The following SUGT1 variants were observed in gnomAD, a reference collection of about 807,000 sequenced individuals.
The protein encoded by SUGT1 is SGT1 assembly cochaperone of MIS12 kinetochore complex, also known as protein SGT1 homolog.
In SUGT1, 15 loss-of-function variants were observed where a neutral mutation model predicts 56.1. The observed-to-expected ratio is 0.27, with a 90% CI of 0.18 to 0.41. The LOEUF is 0.41. Ranked by LOEUF, SUGT1 falls within the 10% of genes least tolerant of loss-of-function variation. The pLI is 1.00. For missense variants in SUGT1, 347 were observed against 382.2 expected (o/e 0.91, Z 0.77); for synonymous variants, 123 against 128.6 (o/e 0.96, Z 0.30).
In SUGT1 at chr13:52,697,973, A is replaced by G. The variant is rs1173371716; in HGVS notation, c.*10138A>G. 6.6e-6 allele frequency: 1 copy of G among 152,208 alleles called. No homozygotes were observed. The highest frequency in any genetic ancestry group is 1.5e-5 in the Non-Finnish European group (1 of 68,046). The allele number at this position is 152,208 out of a possible 1,614,324, so 9.4% of individuals were successfully genotyped here. ...TCCTTAACACATTAAACTATAGGTA[A>G]TAGCATATGTTAGTCTAATCTTTGT... On this transcript the variant is annotated 3_prime_UTR_variant, in exon 13 of 13. Transcript: ENST00000310528.
chr13:52,659,019 T>C (rs555559661), intron 4 of SUGT1, among the ~76,000 whole-genome samples, 160 bp from the exon 5 acceptor site: 1 of 152,222 alleles, frequency 6.6e-6, no homozygotes, highest in African/African-American at 2.4e-5. Flanking sequence ...GGAATTGTAC[T>C]AGATCTTAAC....
chr13:52,659,286 A>G (rs997344821), intron 5 of SUGT1, 37 bp downstream of exon 5: 32 of 1,289,648 alleles, frequency 2.5e-5, no homozygotes, highest in Non-Finnish European at 3.2e-5. Context: ...AAACTTATCT[A>G]TTTCTGTCTT....
chr13:52,666,550 A>AT (rs1962711117), intron 9 of SUGT1, among the ~76,000 whole-genome samples: 2 of 152,318 alleles, frequency 1.3e-5, no homozygotes, highest in African/African-American at 4.8e-5. Context: ...AATAGGTGTG[A>AT]TTAAATATAT....
At chr13:52,664,576 G>A (rs371571827) in intron 8 of SUGT1, among the ~76,000 whole-genome samples, 19 of 152,306 alleles carry the variant, frequency 1.2e-4, no homozygotes, top group African/African-American at 4.3e-4. Context: ...AACACAAGCC[G>A]TTGATCTGGA....
Position 52,664,063 on chromosome 13 carries a change from T to A in SUGT1, c.422+6T>A. 6.2e-7 allele frequency: 1 copy of A among 1,612,856 alleles called. No individual in the cohort carries two copies. On this transcript the variant is annotated splice_donor_region_variant and intron_variant, in intron 8 of 12. Coordinates refer to ENST00000310528, the MANE Select transcript of SUGT1 (RefSeq NM_006704.5). ...ACTCATCAGTCAAAAATCAAGTGAGTGTTTCTTTTTCATAAAACAATGCAT... is the reference window on the plus strand; with the variant it reads ...ACTCATCAGTCAAAAATCAAGTGAGAGTTTCTTTTTCATAAAACAATGCAT...
At position 52,688,652 on chromosome 13, in the gene SUGT1, G is replaced by A. The variant is rs1963680511; in HGVS notation, c.*817G>A. On this transcript the variant is annotated 3_prime_UTR_variant, in exon 13 of 13. Transcript: ENST00000310528. The stretch of plus-strand genomic sequence containing the variant: ...TTGTCACGTCCCCATGATTACTTTG[G>A]TTTCATTGGTTTATGGTAACTGCTG... 6.6e-6 allele frequency: 1 copy of A among 151,890 alleles called. No homozygotes were observed. The allele number at this position is 151,890 out of a possible 1,614,324, so 9.4% of individuals were successfully genotyped here.
Position 52,688,264 on chromosome 13 carries a change from A to T in SUGT1, c.*429A>T, listed in dbSNP as rs1963670143. 1 of 152,658 alleles carries T rather than the reference A, an allele frequency of 6.6e-6. No homozygotes were observed. Among genetic ancestry groups the T allele is most frequent in the African/African-American group, 2.4e-5 (1 of 41,444 alleles). The allele number at this position is 152,658 out of a possible 1,614,324, so 9.5% of individuals were successfully genotyped here. ...GTTTGCTTTTAAAAACTGCTTTTGAATGGAGTTGTAAATACAATTTTTCTA... is the reference window on the plus strand; with the variant it reads ...GTTTGCTTTTAAAAACTGCTTTTGATTGGAGTTGTAAATACAATTTTTCTA... On this transcript the variant is annotated 3_prime_UTR_variant, in exon 13 of 13. Coordinates refer to ENST00000310528, the MANE Select transcript of SUGT1 (RefSeq NM_006704.5).
At position 52,680,249 on chromosome 13, in the gene SUGT1, A is replaced by G. The variant is rs897596316; in HGVS notation, c.900+94A>G. 8.2e-6 allele frequency: 10 copies of G among 1,216,672 alleles called. No homozygotes were observed. The African/African-American group carries it at 9.6e-5, about 12-fold the overall frequency. 75.4% of individuals were successfully genotyped at this position (1,216,672 alleles called of 1,614,324 possible). On this transcript the variant is annotated intron_variant, in intron 12 of 12. Coordinates refer to ENST00000310528, the MANE Select transcript of SUGT1 (RefSeq NM_006704.5). ...AATGTGAGACCAAATTGCGTGTACT[A>G]TAGCTGGGAGAACTTTTTGAATAAG... is the stretch of plus-strand genomic sequence containing the variant.
At chr13:52,680,924 CTCTG>C (rs1963346555) in intron 12 of SUGT1, among the ~76,000 whole-genome samples, 2 of 152,084 alleles carry the variant, frequency 1.3e-5, no homozygotes, top group Admixed American at 6.5e-5. Context: ...TCACTGCAGC[CTCTG>C]TCTGCCGGGC....
chr13:52,682,679 A>G (rs1285756934), intron 12 of SUGT1, among the ~76,000 whole-genome samples: 1 of 152,106 alleles, frequency 6.6e-6, no homozygotes, highest in African/African-American at 2.4e-5. Flanking sequence ...GTGTGAGTCT[A>G]TTTCTAAGTT....
rs1056298356 is a variant in SUGT1 at position 52,699,318 on chromosome 13, C to CA, written c.*11487dup. 6.6e-6 allele frequency: 1 copy of CA among 152,046 alleles called. No homozygotes were observed. Among genetic ancestry groups the CA allele is most frequent in the Non-Finnish European group, 1.5e-5 (1 of 68,012 alleles). 9.4% of individuals were successfully genotyped at this position (152,046 alleles called of 1,614,324 possible). On this transcript the variant is annotated 3_prime_UTR_variant, in exon 13 of 13. Coordinates refer to ENST00000310528, the MANE Select transcript of SUGT1 (RefSeq NM_006704.5). Reference sequence around the variant, plus strand: ...AACAAAATGAGAATAACTATTTGGGCAAAACACTTTTATCACTGCTAAGAT... The same window carrying CA: ...AACAAAATGAGAATAACTATTTGGGCAAAAACACTTTTATCACTGCTAAGAT...
intron 10 of SUGT1, among the ~76,000 whole-genome samples, chr13:52,673,410 C>A (rs1006177185): frequency 4.6e-5 from 7 of 151,986 alleles, no homozygotes; most frequent in Admixed American, 4.6e-4. Flanking sequence ...ACACACCTGG[C>A]CCCTTTTACC....
rs371857326 is a variant in SUGT1 at position 52,680,935 on chromosome 13, G to A, written c.900+780G>A. Among the ~76,000 whole-genome samples the A allele has an allele frequency of 1.2e-3, 184 of 152,072 alleles. 3 individuals carry two copies. Among genetic ancestry groups the A allele is most frequent in the Admixed American group, 3.1e-3 (48 of 15,276 alleles). On this transcript the variant is annotated intron_variant, in intron 12 of 12. Transcript: ENST00000310528. ...CGGCTCACTGCAGCCTCTGTCTGCC[G>A]GGCTCAAGTGATTTTCCTACCTCAG...
rs762534218 is a variant in SUGT1 at position 52,652,945 on chromosome 13, G to A, written c.25G>A (p.Ala9Thr). The A allele has an allele frequency of 6.2e-7, 1 of 1,614,220 alleles. No homozygotes were observed. The highest frequency in any genetic ancestry group is 8.5e-7 in the Non-Finnish European group (1 of 1,180,022). ...GATGGCGGCGGCTGCAGCAGGAACTGCAACATCCCAGAGGTGCATGTTTTT... is the reference window on the plus strand; with the variant it reads ...GATGGCGGCGGCTGCAGCAGGAACTACAACATCCCAGAGGTGCATGTTTTT... MAAAAAGT[A>T]TSQRFFQSFS... is the part of the protein sequence containing the mutation. Residue 9 changes from alanine to threonine, a missense_variant, in exon 1 of 13, where the codon GCA becomes ACA. Coordinates refer to ENST00000310528, the MANE Select transcript of SUGT1 (RefSeq NM_006704.5).
intron 8 of SUGT1, 26 bp downstream of exon 8, chr13:52,664,083 A>T: frequency 6.2e-7 from 1 of 1,607,614 alleles, no homozygotes; most frequent in Non-Finnish European, 8.5e-7. Flanking sequence ...TCATAAAACA[A>T]TGCATGATAA....
chr13:52,681,813 A>C (rs9526976), intron 12 of SUGT1, among the ~76,000 whole-genome samples: 5,358 of 142,922 alleles, frequency 0.037, 128 homozygotes, highest in South Asian at 0.071. Flanking sequence ...TAGCTTGGGC[A>C]GCAAAGTGAG....
rs1414349873 is a variant in SUGT1 at position 52,692,087 on chromosome 13, C to G, written c.*4252C>G. ...TACAATGAATGCTGACTCATTACTG[C>G]AAATAGTGGTAGTTACTGTGTACTA... is the stretch of plus-strand genomic sequence containing the variant. On this transcript the variant is annotated 3_prime_UTR_variant, in exon 13 of 13. Transcript: ENST00000310528. The G allele has an allele frequency of 6.6e-6, 1 of 152,184 alleles. No homozygotes were observed. The highest frequency in any genetic ancestry group is 1.5e-5 in the Non-Finnish European group (1 of 68,032). The allele number at this position is 152,184 out of a possible 1,614,324, so 9.4% of individuals were successfully genotyped here.
intron 12 of SUGT1, among the ~76,000 whole-genome samples, chr13:52,683,074 C>T (rs1003851287): frequency 8.6e-5 from 13 of 151,790 alleles, no homozygotes; most frequent in African/African-American, 3.1e-4. Context: ...TTATTTCTCC[C>T]TTTTCTATCT....
At chr13:52,677,523 TA>T (rs1484221862) in intron 11 of SUGT1, among the ~76,000 whole-genome samples, 17 of 152,200 alleles carry the variant, frequency 1.1e-4, no homozygotes, top group Admixed American at 7.2e-4. Flanking sequence ...CTGAAAGCTT[TA>T]AAAAATATAT....
Sources: gnomAD v4.1 joint callset for allele counts (sites outside exome capture counted in the v4.1 genomes callset) on GRCh38, gnomAD v4.1.1 for gene constraint, MANE v1.5 for transcripts, NCBI Gene and HGNC (gene_info 2026-07-23, HGNC 2026-07-21) for gene names.